Variants in EPB41L5 observed in about 807,000 individuals in gnomAD.
EPB41L5 encodes band 4.1-like protein 5.
A neutral mutation model predicts 106.6 loss-of-function variants in EPB41L5; 55 were observed. The ratio of observed to expected loss-of-function variants is 0.52; its 90% CI spans 0.42 to 0.65. The LOEUF is 0.65. Ranked by LOEUF, EPB41L5 falls within the 30% of genes least tolerant of loss-of-function variation. The pLI is 0.00. For synonymous variants in EPB41L5, 297 were observed against 306.7 expected, an observed-to-expected ratio of 0.97 and a Z score of 0.33; for missense variants, 871 against 882.1, an observed-to-expected ratio of 0.99 and a Z score of 0.16.
chr2:120,133,630 T>A (rs1009832890), intron 18 of EPB41L5, among the ~76,000 whole-genome samples: 1 of 152,184 alleles, frequency 6.6e-6, no homozygotes, highest in Non-Finnish European at 1.5e-5. Flanking sequence ...AGCCCACCGC[T>A]GTGGGCTAAA....
intron 16 of EPB41L5, among the ~76,000 whole-genome samples, chr2:120,110,348 C>G (rs1319923805): frequency 6.6e-6 from 1 of 152,212 alleles, no homozygotes; most frequent in African/African-American, 2.4e-5. Context: ...CCCCTAAACT[C>G]TGTTTAAGGA....
At chr2:120,032,887 T>C (rs1227219198) in intron 2 of EPB41L5, among the ~76,000 whole-genome samples, 2 of 152,232 alleles carry the variant, frequency 1.3e-5, no homozygotes, top group African/African-American at 2.4e-5. Context: ...TGAGGGCAAA[T>C]ATAAGCATAT....
chr2:120,171,244 G>A (rs780463633), intron 24 of EPB41L5, among the ~76,000 whole-genome samples: 1 of 152,162 alleles, frequency 6.6e-6, no homozygotes, highest in Non-Finnish European at 1.5e-5. Flanking sequence ...AGGGGAGGGA[G>A]TAGAAACAAA....
At chr2:120,037,001 A>G (rs1463871342) in intron 2 of EPB41L5, among the ~76,000 whole-genome samples, 1 of 152,310 alleles carries the variant, frequency 6.6e-6, no homozygotes, top group African/African-American at 2.4e-5. Flanking sequence ...TTCAGCAGAA[A>G]AAAGAAATGC....
At chr2:120,034,822 C>A (rs529557174) in intron 2 of EPB41L5, among the ~76,000 whole-genome samples, 1 of 152,150 alleles carries the variant, frequency 6.6e-6, no homozygotes, top group African/African-American at 2.4e-5. Context: ...CCATGCATGC[C>A]GCTGCACTGT....
intron 16 of EPB41L5, among the ~76,000 whole-genome samples, chr2:120,118,767 C>G (rs756120580): frequency 6.6e-6 from 1 of 152,122 alleles, no homozygotes; most frequent in Non-Finnish European, 1.5e-5. Flanking sequence ...TAGATTGATT[C>G]CATGTCTTAG....
At chr2:120,103,259 T>C (rs1684254918) in intron 16 of EPB41L5, among the ~76,000 whole-genome samples, 1 of 152,356 alleles carries the variant, frequency 6.6e-6, no homozygotes, top group South Asian at 2.1e-4. Flanking sequence ...TTTGATTTGC[T>C]TTCTTTCTAC....
intron 20 of EPB41L5, among the ~76,000 whole-genome samples, chr2:120,150,924 A>G (rs138189778): frequency 1.4e-4 from 22 of 152,304 alleles, no homozygotes; most frequent in Non-Finnish European, 1.6e-4. Context: ...AGTGTTTTAT[A>G]TAAGAAACCA....
intron 3 of EPB41L5, among the ~76,000 whole-genome samples, chr2:120,047,481 G>A (rs1464722881): frequency 3.3e-4 from 50 of 151,988 alleles, no homozygotes; most frequent in South Asian, 1.3e-3. Flanking sequence ...TTGGTGTATA[G>A]GAATGCTTGT....
At chr2:120,100,850 C>A in intron 16 of EPB41L5, 36 bp downstream of exon 16, 1 of 1,353,252 alleles carries the variant, frequency 7.4e-7, no homozygotes, top group Non-Finnish European at 1.0e-6. Context: ...AAAATATTGC[C>A]TAGTTAATTG....
At chr2:120,080,108 C>CTTT (rs777004950) in intron 10 of EPB41L5, among the ~76,000 whole-genome samples, 1 of 143,038 alleles carries the variant, frequency 7.0e-6, no homozygotes. Flanking sequence ...AGTAGTATTT[C>CTTT]TTTTTTTTTT....
intron 1 of EPB41L5, among the ~76,000 whole-genome samples, chr2:120,014,548 A>G (rs548541145): frequency 6.6e-6 from 1 of 152,216 alleles, no homozygotes; most frequent in Non-Finnish European, 1.5e-5. Flanking sequence ...AGAAAAGGCT[A>G]AGAGTACTGA....
At chr2:120,044,716 C>T (rs992253239) in intron 3 of EPB41L5, among the ~76,000 whole-genome samples, 1 of 151,970 alleles carries the variant, frequency 6.6e-6, no homozygotes, top group Non-Finnish European at 1.5e-5. Flanking sequence ...ACATATAGTG[C>T]CTTTCTTGTC....
intron 16 of EPB41L5, among the ~76,000 whole-genome samples, chr2:120,123,270 C>G (rs753967341): frequency 1.3e-5 from 2 of 152,112 alleles, no homozygotes; most frequent in Non-Finnish European, 2.9e-5. Flanking sequence ...TGTTGTTCAC[C>G]GCCTCCTCAC....
At chr2:120,049,169 C>A (rs1249566593) in intron 3 of EPB41L5, among the ~76,000 whole-genome samples, 5 of 152,150 alleles carry the variant, frequency 3.3e-5, no homozygotes, top group Non-Finnish European at 7.3e-5. Flanking sequence ...CTGCAGATAT[C>A]TATTAGGTCT....
At chr2:120,025,459 G>T (rs1044033176) in intron 2 of EPB41L5, among the ~76,000 whole-genome samples, 1 of 151,980 alleles carries the variant, frequency 6.6e-6, no homozygotes, top group Admixed American at 6.6e-5. Context: ...AGGTGAGATG[G>T]TGCTCCTGAA....
chr2:120,168,208 GTTTC>G (rs1452347933), intron 24 of EPB41L5, among the ~76,000 whole-genome samples: 1 of 152,048 alleles, frequency 6.6e-6, no homozygotes, highest in African/African-American at 2.4e-5. Flanking sequence ...CTGTATTAGC[GTTTC>G]TTTATCAAGT....
chr2:120,018,979 T>C, intron 1 of EPB41L5, 98 bp from the exon 2 acceptor site: 2 of 1,070,546 alleles, frequency 1.9e-6, no homozygotes, highest in Non-Finnish European at 2.7e-6. Flanking sequence ...TCTACTAATG[T>C]TCACAGGACT....
intron 16 of EPB41L5, among the ~76,000 whole-genome samples, chr2:120,123,855 G>C (rs889275814): frequency 5.3e-5 from 8 of 151,502 alleles, no homozygotes; most frequent in African/African-American, 1.9e-4. Flanking sequence ...ATGGGGTTTT[G>C]CCATGTTGCC....
Sources: allele counts gnomAD v4.1 joint callset (sites outside exome capture counted in the v4.1 genomes callset), GRCh38; gene constraint gnomAD v4.1.1; transcripts MANE v1.5; gene names NCBI Gene and HGNC (gene_info 2026-07-23, HGNC 2026-07-21).